The following DLC1 variants were observed in gnomAD, a reference collection of about 807,000 sequenced individuals.
DLC1 encodes rho GTPase-activating protein 7.
DLC1 carries 54 observed loss-of-function variants against 140.3 expected under a neutral mutation model. The ratio of observed to expected loss-of-function variants is 0.38; its 90% confidence interval spans 0.31 to 0.48. DLC1 has a LOEUF of 0.48. Among genes scored for constraint, DLC1 ranks in the 20% least tolerant of loss-of-function variants. The probability of loss-of-function intolerance (pLI) is 0.96; values close to 1 mark genes in which losing one functional copy is unlikely to be tolerated. For synonymous variants in DLC1, 986 were observed against 728.1 expected (o/e 1.35, Z -5.70); for missense variants, 2,536 against 1,907.0 (o/e 1.33, Z -6.14).
At chr8:13,392,424 C>G (rs1008085410) in intron 4 of DLC1, among the ~76,000 whole-genome samples, 1 of 152,070 alleles carries the variant, frequency 6.6e-6, no homozygotes, top group African/African-American at 2.4e-5. Flanking sequence ...TTAAGCCATG[C>G]GTATCTGTCA....
At chr8:13,430,532 A>T (rs1838817672) in intron 2 of DLC1, among the ~76,000 whole-genome samples, 1 of 152,154 alleles carries the variant, frequency 6.6e-6, no homozygotes, top group South Asian at 2.1e-4. Flanking sequence ...AATGATTTTT[A>T]GGTTATATTT....
At chr8:13,329,354 A>AG (rs139712232) in intron 4 of DLC1, among the ~76,000 whole-genome samples, 1 of 152,100 alleles carries the variant, frequency 6.6e-6, no homozygotes, top group East Asian at 1.9e-4. Context: ...GATGCATAGA[A>AG]GGGGGGTCAA....
At chr8:13,250,458 C>T (rs1178675901) in intron 5 of DLC1, among the ~76,000 whole-genome samples, 3 of 152,112 alleles carry the variant, frequency 2.0e-5, no homozygotes, top group Non-Finnish European at 4.4e-5. Flanking sequence ...CCCTTAAAGG[C>T]ATAGGATTAG....
intron 1 of DLC1, among the ~76,000 whole-genome samples, chr8:13,602,127 A>AG (rs984967869): frequency 4.7e-4 from 72 of 152,056 alleles, no homozygotes; most frequent in African/African-American, 1.7e-3. Context: ...TTACAAAAAC[A>AG]GGGAAATCAG....
intron 2 of DLC1, among the ~76,000 whole-genome samples, chr8:13,416,960 T>C (rs1479081360): frequency 6.6e-6 from 1 of 152,134 alleles, no homozygotes; most frequent in East Asian, 1.9e-4. Context: ...TTTGTTAAAG[T>C]ACTCGTATTG....
chr8:13,436,988 C>T (rs993919973), intron 2 of DLC1, among the ~76,000 whole-genome samples: 1 of 152,102 alleles, frequency 6.6e-6, no homozygotes, highest in Admixed American at 6.6e-5. Flanking sequence ...TTATTTAACA[C>T]CTTTGGTTTT....
chr8:13,160,857 G>A (rs751667613), intron 5 of DLC1, among the ~76,000 whole-genome samples: 12 of 152,292 alleles, frequency 7.9e-5, no homozygotes, highest in Middle Eastern at 3.4e-3. Flanking sequence ...AGGCCAAGGC[G>A]GGAGGATCAC....
chr8:13,255,039 C>A (rs1185158391), intron 5 of DLC1, among the ~76,000 whole-genome samples: 3 of 151,856 alleles, frequency 2.0e-5, no homozygotes, highest in South Asian at 4.2e-4. Flanking sequence ...TGCAGTGGCG[C>A]AATCTCGGCT....
intron 2 of DLC1, among the ~76,000 whole-genome samples, chr8:13,490,908 AT>A (rs1157262719): frequency 6.6e-6 from 1 of 150,648 alleles, no homozygotes; most frequent in Non-Finnish European, 1.5e-5. Context: ...ATCGTAACTA[AT>A]TTTTTTTCCC....
chr8:13,182,183 T>C (rs1826080381), intron 5 of DLC1, among the ~76,000 whole-genome samples: 1 of 152,102 alleles, frequency 6.6e-6, no homozygotes, highest in Non-Finnish European at 1.5e-5. Flanking sequence ...TTGATAGGGT[T>C]TTTTCTTTTT....
intron 5 of DLC1, among the ~76,000 whole-genome samples, chr8:13,301,694 T>C (rs1832197655): frequency 6.6e-6 from 1 of 152,200 alleles, no homozygotes; most frequent in Admixed American, 6.5e-5. Context: ...AGTACCGGTC[T>C]GTGATCTGTT....
intron 2 of DLC1, among the ~76,000 whole-genome samples, chr8:13,453,984 T>G (rs1299437144): frequency 6.6e-6 from 1 of 152,166 alleles, no homozygotes; most frequent in Non-Finnish European, 1.5e-5. Flanking sequence ...CTTATCTTAC[T>G]ATATGTGCCA....
chr8:13,455,684 T>C (rs1799352716), intron 2 of DLC1, among the ~76,000 whole-genome samples: 1 of 152,208 alleles, frequency 6.6e-6, no homozygotes, highest in African/African-American at 2.4e-5. Flanking sequence ...GTCATTTCAC[T>C]TAATAGTTGT....
chr8:13,603,019 G>A (rs1349595602), intron 1 of DLC1, among the ~76,000 whole-genome samples: 1 of 151,716 alleles, frequency 6.6e-6, no homozygotes, highest in Admixed American at 6.6e-5. Context: ...GATTTTACGT[G>A]GCAATAACTT....
At chr8:13,515,868 C>G (rs967254561), upstream of DLC1, among the ~76,000 whole-genome samples, 1 of 152,140 alleles carries the variant, frequency 6.6e-6, no homozygotes, top group African/African-American at 2.4e-5. Flanking sequence ...TAAGATATCA[C>G]AAATACAAAC....
intron 1 of DLC1, among the ~76,000 whole-genome samples, chr8:13,503,473 C>A (rs1397888054): frequency 6.6e-6 from 1 of 152,172 alleles, no homozygotes; most frequent in African/African-American, 2.4e-5. Context: ...AATCACTGAT[C>A]TATATTTGAT....
At chr8:13,386,177 C>A (rs1836512187) in intron 4 of DLC1, among the ~76,000 whole-genome samples, 1 of 152,112 alleles carries the variant, frequency 6.6e-6, no homozygotes, top group South Asian at 2.1e-4. Context: ...AAGTACTATT[C>A]ATATGACTAA....
chr8:13,179,979 T>C (rs1825949875), intron 5 of DLC1, among the ~76,000 whole-genome samples: 1 of 152,180 alleles, frequency 6.6e-6, no homozygotes, highest in Admixed American at 6.5e-5. Context: ...TTTGATTTAA[T>C]TCTCTTTAAA....
chr8:13,239,157 C>A (rs1459297700), intron 5 of DLC1, among the ~76,000 whole-genome samples: 2 of 152,136 alleles, frequency 1.3e-5, no homozygotes, highest in African/African-American at 4.8e-5. Flanking sequence ...CGAAGAACAA[C>A]TGGCAATATG....
Sources: gnomAD v4.1 joint callset for allele counts (sites outside exome capture counted in the v4.1 genomes callset) on GRCh38, gnomAD v4.1.1 for gene constraint, MANE v1.5 for transcripts, NCBI Gene and HGNC (gene_info 2026-07-23, HGNC 2026-07-21) for gene names.